Variants in MPPED2 observed in about 807,000 individuals in gnomAD.
MPPED2 encodes the protein metallophosphoesterase MPPED2.
In MPPED2, 5 loss-of-function variants were observed where a neutral mutation model predicts 33.0. The observed-to-expected ratio is 0.15, with a 90% CI of 0.08 to 0.32. MPPED2 has a LOEUF of 0.32. Among genes scored for constraint, MPPED2 ranks in the 10% least tolerant of loss-of-function variants. MPPED2 has a pLI of 1.00. For missense variants in MPPED2, 275 were observed against 372.1 expected (o/e 0.74, Z 2.15); for synonymous variants, 136 against 141.9 (o/e 0.96, Z 0.29).
At chr11:30,559,602 T>C (rs1956148571) in intron 2 of MPPED2, among the ~76,000 whole-genome samples, 1 of 152,200 alleles carries the variant, frequency 6.6e-6, no homozygotes, top group Non-Finnish European at 1.5e-5. Flanking sequence ...TTAAATAATA[T>C]GGGAACACAA....
At chr11:30,458,063 A>G (rs1950356453) in intron 4 of MPPED2, among the ~76,000 whole-genome samples, 1 of 152,206 alleles carries the variant, frequency 6.6e-6, no homozygotes, top group South Asian at 2.1e-4. Flanking sequence ...CTGAAGCCCC[A>G]GGCTCTCATG....
exon 7 of MPPED2, chr11:30,386,141 T>C (rs1947700032): frequency 6.6e-6 from 1 of 152,184 alleles, no homozygotes; most frequent in South Asian, 2.1e-4. Context: ...AAACTGGTTG[T>C]GTGGTGGAGA....
intron 4 of MPPED2, among the ~76,000 whole-genome samples, chr11:30,470,405 A>G (rs538619303): frequency 8.9e-4 from 135 of 152,306 alleles, no homozygotes; most frequent in African/African-American, 3.0e-3. Context: ...GGAGATGAGT[A>G]ATCGTCTGGA....
chr11:30,546,311 A>G (rs893020279), intron 2 of MPPED2, among the ~76,000 whole-genome samples: 2 of 152,196 alleles, frequency 1.3e-5, no homozygotes, highest in Admixed American at 1.3e-4. Flanking sequence ...CTCCAGTAGA[A>G]AGAACATTAA....
At chr11:30,509,322 A>G (rs1953012445) in intron 3 of MPPED2, among the ~76,000 whole-genome samples, 1 of 152,208 alleles carries the variant, frequency 6.6e-6, no homozygotes, top group Admixed American at 6.5e-5. Context: ...ATAATGTTAC[A>G]ATTTCAAAAG....
At chr11:30,492,402 G>C (rs1055436489) in intron 4 of MPPED2, among the ~76,000 whole-genome samples, 6 of 152,114 alleles carry the variant, frequency 3.9e-5, no homozygotes, top group Admixed American at 3.3e-4. Flanking sequence ...GCTTGCTCAG[G>C]AATAGCCTTA....
At chr11:30,390,669 G>A (rs1458421327) in intron 6 of MPPED2, among the ~76,000 whole-genome samples, 1 of 152,210 alleles carries the variant, frequency 6.6e-6, no homozygotes, top group African/African-American at 2.4e-5. Context: ...AAACCTAGTG[G>A]CTTAAAACAA....
intron 6 of MPPED2, among the ~76,000 whole-genome samples, chr11:30,390,517 G>A (rs369040368): frequency 1.3e-5 from 2 of 152,308 alleles, no homozygotes; most frequent in Non-Finnish European, 2.9e-5. Context: ...AATGGAGGCC[G>A]GAGTCTGGAG....
At chr11:30,480,051 T>G (rs1164516503) in intron 4 of MPPED2, among the ~76,000 whole-genome samples, 1 of 152,102 alleles carries the variant, frequency 6.6e-6, no homozygotes, top group Non-Finnish European at 1.5e-5. Context: ...GGTGTTGGTG[T>G]AATGTTGGTG....
chr11:30,386,747 C>G, exon 7 of MPPED2: 1 of 398,498 alleles, frequency 2.5e-6, no homozygotes, highest in Non-Finnish European at 4.4e-6. Context: ...TCACAACAGT[C>G]AAACCCTCCT....
intron 4 of MPPED2, among the ~76,000 whole-genome samples, chr11:30,460,028 G>T (rs1361074985): frequency 6.6e-6 from 1 of 152,186 alleles, no homozygotes; most frequent in African/African-American, 2.4e-5. Flanking sequence ...AGCACTGGGA[G>T]CTTGGCCGTT....
At chr11:30,508,060 C>T (rs1952939225) in intron 3 of MPPED2, among the ~76,000 whole-genome samples, 1 of 152,096 alleles carries the variant, frequency 6.6e-6, no homozygotes, top group Non-Finnish European at 1.5e-5. Flanking sequence ...ACACTGTCTT[C>T]CTAAATCTGT....
chr11:30,462,120 A>G (rs754753008), intron 4 of MPPED2, among the ~76,000 whole-genome samples: 1 of 152,204 alleles, frequency 6.6e-6, no homozygotes, highest in Non-Finnish European at 1.5e-5. Context: ...GCTTTGCCCT[A>G]CTTTTGGGCA....
At chr11:30,426,882 A>G (rs1001327016) in intron 4 of MPPED2, among the ~76,000 whole-genome samples, 4 of 152,140 alleles carry the variant, frequency 2.6e-5, no homozygotes, top group African/African-American at 9.7e-5. Context: ...GTTTCCTCCT[A>G]TACATTCCAT....
rs1474429378 is a variant in MPPED2 at position 30,485,342 on chromosome 11, ATAG to A, written c.536+9951_536+9953del. On this transcript the variant is annotated intron_variant, in intron 4 of 6. Coordinates refer to ENST00000358117, the MANE Select transcript of MPPED2 (RefSeq NM_001584.3). ...CCTGTATGTGAATGATGCTCAATAA[ATAG>A]TAGTTATTATTATTACTTATATACA... 5.5e-5 allele frequency among the ~76,000 whole-genome samples: 6 copies of A among 110,038 alleles called. No homozygotes were observed. In the South Asian group the frequency reaches 1.5e-3, roughly 27 times the overall value. 72.2% of individuals were successfully genotyped at this position (110,038 alleles called of 152,430 possible). A position where few individuals can be genotyped will look rare whatever the true frequency, so the allele number is the denominator to read the frequency against.
intron 6 of MPPED2, among the ~76,000 whole-genome samples, chr11:30,394,923 T>G (rs1424599114): frequency 6.6e-6 from 1 of 152,218 alleles, no homozygotes; most frequent in Admixed American, 6.5e-5. Context: ...GCATGTGAAG[T>G]TAAATTGTTC....
At chr11:30,401,874 C>CT (rs1947914023) in intron 6 of MPPED2, among the ~76,000 whole-genome samples, 1 of 81,860 alleles carries the variant, frequency 1.2e-5, no homozygotes, top group South Asian at 4.1e-4. Context: ...TTTTTTTTTT[C>CT]TTTTAGTAGA....
At chr11:30,397,044 A>G (rs927035567) in intron 6 of MPPED2, among the ~76,000 whole-genome samples, 3 of 152,154 alleles carry the variant, frequency 2.0e-5, no homozygotes, top group African/African-American at 7.2e-5. Context: ...TCTGTTCTGT[A>G]AGTGTAATTC....
At chr11:30,451,990 G>A in intron 4 of MPPED2, 8 of 985,404 alleles carry the variant, frequency 8.1e-6, no homozygotes, top group Non-Finnish European at 9.6e-6. Context: ...GTAGGAGGGA[G>A]CCGTAAAACG....
Sources: allele counts gnomAD v4.1 joint callset (sites outside exome capture counted in the v4.1 genomes callset), GRCh38; gene constraint gnomAD v4.1.1; transcripts MANE v1.5; gene names NCBI Gene and HGNC (gene_info 2026-07-23, HGNC 2026-07-21).